Variants in RGS9 observed in about 807,000 individuals in gnomAD.
RGS9 encodes the protein regulator of G-protein signalling 9.
A neutral mutation model predicts 102.0 loss-of-function variants in RGS9; 78 were observed. That is an observed-to-expected ratio of 0.76 (90% CI 0.64 to 0.92). The LOEUF (loss-of-function observed/expected upper bound fraction) is 0.92. RGS9 is among the 40% of genes least tolerant of loss of function. The pLI is 0.00. For synonymous variants in RGS9, 353 were observed against 318.6 expected (o/e 1.11, Z -1.15); for missense variants, 833 against 866.1 (o/e 0.96, Z 0.48).
chr17:65,226,806 G>A (rs1410704801), intron 18 of RGS9, among the ~76,000 whole-genome samples: 2 of 152,034 alleles, frequency 1.3e-5, no homozygotes, highest in Non-Finnish European at 2.9e-5. Context: ...GTAGAGACGG[G>A]GTTTCGCCAT....
rs1229832823 is a variant in RGS9 at position 65,173,638 on chromosome 17, C to T, written c.583-4094C>T. ...TCTGAAGGCTTCCTGCATGAGGCAC[C>T]AGGGCAGAAAGTGCCTGCTGCCTCC... On this transcript the variant is annotated intron_variant, in intron 8 of 18. Transcript: ENST00000262406. This position sits in a 1 kb window ranked among gnomAD's most constrained non-coding sequence, Gnocchi z 4.8. Among the ~76,000 whole-genome samples, 1 of 152,216 alleles carries T rather than the reference C, an allele frequency of 6.6e-6. No homozygotes were observed. Among genetic ancestry groups the T allele is most frequent in the Non-Finnish European group, 1.5e-5 (1 of 68,044 alleles).
At chr17:65,208,037 G>T in intron 16 of RGS9, 30 bp downstream of exon 16, 2 of 1,463,462 alleles carry the variant, frequency 1.4e-6, no homozygotes, top group Non-Finnish European at 1.9e-6. Flanking sequence ...ATTGCTGGCT[G>T]CCTGCTGCTT....
chr17:65,198,612 G>T (rs974385853), intron 13 of RGS9, among the ~76,000 whole-genome samples: 21 of 152,150 alleles, frequency 1.4e-4, no homozygotes, highest in Admixed American at 5.2e-4. Context: ...AAAACACGAG[G>T]CCAGATCAGA....
intron 15 of RGS9, among the ~76,000 whole-genome samples, chr17:65,207,703 A>AG (rs1441649826): frequency 2.0e-5 from 3 of 152,144 alleles, no homozygotes; most frequent in Non-Finnish European, 4.4e-5. Flanking sequence ...CGGCTGGGGC[A>AG]GGCCTGAGAA....
At chr17:65,209,025 G>A (rs1196779065) in intron 16 of RGS9, among the ~76,000 whole-genome samples, 2 of 152,206 alleles carry the variant, frequency 1.3e-5, no homozygotes, top group Non-Finnish European at 2.9e-5. Context: ...AGAAAGGCCT[G>A]TAATAGCTCC....
intron 17 of RGS9, among the ~76,000 whole-genome samples, chr17:65,218,454 A>G (rs1247957738): frequency 1.3e-5 from 2 of 152,200 alleles, no homozygotes; most frequent in Admixed American, 6.5e-5. Context: ...ATGGTATGAG[A>G]ACAGCTTTTT....
At chr17:65,225,734 T>A in intron 18 of RGS9, 1 of 573,892 alleles carries the variant, frequency 1.7e-6, no homozygotes, top group Non-Finnish European at 3.1e-6. Context: ...TTTTTCCAAA[T>A]CTCTTTTCCC....
chr17:65,158,134 G>A (rs538752074), intron 2 of RGS9, among the ~76,000 whole-genome samples, 161 bp from the exon 3 acceptor site: 200 of 152,270 alleles, frequency 1.3e-3, no homozygotes, highest in African/African-American at 4.7e-3. Flanking sequence ...AGGCTGCAGA[G>A]CTGGGACTGA....
chr17:65,179,112 T>C (rs1389558369), intron 9 of RGS9, among the ~76,000 whole-genome samples: 2 of 151,918 alleles, frequency 1.3e-5, no homozygotes, highest in African/African-American at 2.4e-5. Flanking sequence ...TAGCCTAGGG[T>C]GCATCTATAG....
intron 17 of RGS9, among the ~76,000 whole-genome samples, chr17:65,211,204 G>C (rs868581240): frequency 1.3e-5 from 2 of 152,154 alleles, no homozygotes; most frequent in Non-Finnish European, 1.5e-5. Context: ...CTGAGGATCC[G>C]CCGAGGGGCT....
chr17:65,190,124 C>A, intron 10 of RGS9, 51 bp from the exon 11 acceptor site: 3 of 1,423,114 alleles, frequency 2.1e-6, no homozygotes, highest in Non-Finnish European at 3.0e-6. Flanking sequence ...TGTAGTGACA[C>A]TGAAGGGTGG....
chr17:65,185,116 C>T (rs1912059708), intron 9 of RGS9, among the ~76,000 whole-genome samples: 1 of 152,176 alleles, frequency 6.6e-6, no homozygotes, highest in African/African-American at 2.4e-5. Flanking sequence ...TCTTTTCTCT[C>T]ACTGTCCCCT....
chr17:65,200,628 G>A (rs538807069), intron 13 of RGS9, among the ~76,000 whole-genome samples: 340 of 152,252 alleles, frequency 2.2e-3, no homozygotes, highest in Non-Finnish European at 3.1e-3. Context: ...AGAGCTATGG[G>A]ACAAATGCCA....
At chr17:65,207,526 A>G (rs557163464) in intron 15 of RGS9, among the ~76,000 whole-genome samples, 7 of 152,348 alleles carry the variant, frequency 4.6e-5, no homozygotes, top group Admixed American at 1.3e-4. Flanking sequence ...CAAATTAAGC[A>G]GTTCTGGGTC....
chr17:65,224,539 ACTT>A (rs1376994745), intron 17 of RGS9, among the ~76,000 whole-genome samples: 1 of 152,202 alleles, frequency 6.6e-6, no homozygotes, highest in African/African-American at 2.4e-5. Flanking sequence ...ATGAGCTGGG[ACTT>A]CTTCTGTCAC....
chr17:65,146,848 C>T (rs961406830), intron 1 of RGS9, among the ~76,000 whole-genome samples: 3 of 152,092 alleles, frequency 2.0e-5, no homozygotes, highest in Admixed American at 6.6e-5. Flanking sequence ...CAAGATCATG[C>T]CACTACAGCT....
intron 8 of RGS9, among the ~76,000 whole-genome samples, chr17:65,170,048 CTTTTTTTTT>C (rs993959757): frequency 8.2e-6 from 1 of 122,128 alleles, no homozygotes; most frequent in African/African-American, 3.2e-5. Flanking sequence ...CTTCTGCATT[CTTTTTTTTT>C]TTTTTTTTTT....
chr17:65,148,667 C>T (rs1439225918), intron 1 of RGS9, among the ~76,000 whole-genome samples: 1 of 152,064 alleles, frequency 6.6e-6, no homozygotes, highest in African/African-American at 2.4e-5. Flanking sequence ...CCTCTCTGCA[C>T]TTTTTTTGGG....
chr17:65,218,006 T>G (rs1224670161), intron 17 of RGS9, among the ~76,000 whole-genome samples: 1 of 152,188 alleles, frequency 6.6e-6, no homozygotes, highest in East Asian at 1.9e-4. Context: ...GTCCCTGAAG[T>G]GTTGAACCAA....
Sources: gnomAD v4.1 joint callset for allele counts (sites outside exome capture counted in the v4.1 genomes callset) on GRCh38, gnomAD v4.1.1 for gene constraint, Gnocchi (gnomAD v3.1) non-coding constraint, MANE v1.5 for transcripts, NCBI Gene and HGNC (gene_info 2026-07-23, HGNC 2026-07-21) for gene names.